CPLANE1: variants seen among roughly 807,000 people sequenced by gnomAD.
CPLANE1 encodes ciliogenesis and planar polarity effector complex subunit 1.
A neutral mutation model predicts 362.5 loss-of-function variants in CPLANE1; 263 were observed. That is an observed-to-expected ratio of 0.73 (90% confidence interval 0.66 to 0.80). CPLANE1 has a LOEUF of 0.80. Among genes scored for constraint, CPLANE1 ranks in the 30% least tolerant of loss-of-function variants. The pLI is 0.00. For missense variants in CPLANE1, 3,461 were observed against 3,793.4 expected (o/e 0.91, Z 2.30); for synonymous variants, 1,212 against 1,302.6 (o/e 0.93, Z 1.50).
rs780391877 is a variant in CPLANE1 at position 37,186,307 on chromosome 5, G to C, written c.4168C>G (p.Leu1390Val). 1.3e-5 allele frequency: 20 copies of C among 1,552,100 alleles called. No homozygotes were observed. Among genetic ancestry groups the C allele is most frequent in the Non-Finnish European group, 1.7e-5 (19 of 1,124,208 alleles). The change falls in exon 24 of 53, where the codon CTC (leucine) becomes GTC (valine). Residue 1390 changes from leucine to valine, a missense_variant. Leu to Val is a conservative substitution (Grantham distance 32, BLOSUM62 1). Transcript: ENST00000651892. ...ATACCTTTCACAACACAGTGTCTGA[G>C]TCTCTGGTGAAGAGAGTGATATTTG... ...RDKYHSLHQR[L>V]RHCVVKGPQT...
Position 37,221,333 on chromosome 5 carries a change from C to A in CPLANE1, c.2737G>T (p.Asp913Tyr). Residue 913 changes from aspartate (D) to tyrosine (Y), a missense_variant, in exon 15 of 53, where the codon GAT becomes TAT. Around this residue, in one of 2 missense-constraint regions of CPLANE1, gnomAD observed 3,380 missense variants for 3,666.1 expected, o/e 0.92. Coordinates refer to ENST00000651892, the MANE Select transcript of CPLANE1 (RefSeq NM_001384732.1). The part of the protein sequence containing the change: ...WSQLPVKENK[D>Y]FSGAAKSHFE... Reference sequence around the variant, plus strand: ...AAAAAAAAAAGCATACCTGAAAAATCTTTATTTTCTTTTACAGGTAGTTGG... The same window carrying A: ...AAAAAAAAAAGCATACCTGAAAAATATTTATTTTCTTTTACAGGTAGTTGG... 3 of 1,489,956 alleles carry A rather than the reference C, an allele frequency of 2.0e-6. No homozygotes were observed. The highest frequency in any genetic ancestry group is 1.4e-5 in the African/African-American group (1 of 69,050). 92.3% of individuals were successfully genotyped at this position (1,489,956 alleles called of 1,614,324 possible).
At chr5:37,216,222 T>A (rs761824468) in intron 15 of CPLANE1, among the ~76,000 whole-genome samples, 1 of 152,016 alleles carries the variant, frequency 6.6e-6, no homozygotes, top group Non-Finnish European at 1.5e-5. Context: ...TAGTATAAGA[T>A]TTTGGGGGGC....
At chr5:37,205,181 A>G (rs992051171) in intron 18 of CPLANE1, 134 bp downstream of exon 18, 1 of 596,592 alleles carries the variant, frequency 1.7e-6, no homozygotes, top group Non-Finnish European at 2.5e-6. Flanking sequence ...TAAAATAAAA[A>G]TAAATATCAT....
chr5:37,182,822 A>G lies in CPLANE1; in HGVS notation c.5359T>C (p.Ser1787Pro), dbSNP rs753598424. The part of the protein sequence containing the change: ...VKTSTAAILT[S>P]LWLLEQPYFA... Reference sequence around the variant, plus strand: ...TAGGGTTGTTCCAAAAGCCATAATGATGTAAGAATGGCAGCTGTAGAGGTC... The same window carrying G: ...TAGGGTTGTTCCAAAAGCCATAATGGTGTAAGAATGGCAGCTGTAGAGGTC... Residue 1787 changes from serine (S) to proline (P), a missense_variant, in exon 26 of 53, where the codon TCA (serine) becomes CCA (proline). Coordinates refer to ENST00000651892, the MANE Select transcript of CPLANE1 (RefSeq NM_001384732.1). 1.9e-6 allele frequency: 3 copies of G among 1,613,722 alleles called. No homozygotes were observed. Among genetic ancestry groups the G allele is most frequent in the Non-Finnish European group, 2.5e-6 (3 of 1,179,886 alleles).
chr5:37,075,785 A>G, the CPLANE1 span, among the ~76,000 whole-genome samples: 4 of 152,288 alleles, frequency 2.6e-5, no homozygotes, highest in East Asian at 7.7e-4. Context: ...AGACCTTGCA[A>G]TGCATCTGCT....
At chr5:37,210,148 T>A in intron 16 of CPLANE1, 2 of 1,059,864 alleles carry the variant, frequency 1.9e-6, no homozygotes, top group Non-Finnish European at 2.9e-6. Flanking sequence ...GCCCTTGTTA[T>A]TCGGGAAAAG....
At chr5:37,085,191 A>G in the CPLANE1 span, 30 of 830,898 alleles carry the variant, frequency 3.6e-5, no homozygotes, top group Non-Finnish European at 5.7e-5. Flanking sequence ...CCCCCTCATC[A>G]TTTTCCTAAG....
At chr5:37,083,570 T>C in the CPLANE1 span, among the ~76,000 whole-genome samples, 1 of 152,034 alleles carries the variant, frequency 6.6e-6, no homozygotes, top group Admixed American at 6.6e-5. Context: ...ATGACATAGA[T>C]AGCATAAATA....
rs200358545 is a variant in CPLANE1 at position 37,121,771 on chromosome 5, C to G, written c.9031G>C (p.Glu3011Gln). 6.2e-7 allele frequency: 1 copy of G among 1,613,382 alleles called. No individual in the cohort carries two copies. Among genetic ancestry groups the G allele is most frequent in the Admixed American group, 1.7e-5 (1 of 59,996 alleles). ...TGTGAGATTCGACGACTATAGTGTT[C>G]AGAGAGCAGCAATCTGTAGACAAAG... ...KHEKDRLLLS[E>Q]HYSRRISQAY... Residue 3011 changes from glutamate to glutamine, a missense_variant, in exon 49 of 53, where the codon GAA becomes CAA. Coordinates refer to ENST00000651892, the MANE Select transcript of CPLANE1 (RefSeq NM_001384732.1).
chr5:37,207,730 G>C (rs1194023302), intron 16 of CPLANE1, among the ~76,000 whole-genome samples: 1 of 152,044 alleles, frequency 6.6e-6, no homozygotes, highest in Non-Finnish European at 1.5e-5. Flanking sequence ...ATTTTAACTT[G>C]TACTACTCTA....
downstream of CPLANE1, among the ~76,000 whole-genome samples, chr5:37,105,846 C>T (rs1757551868): frequency 6.6e-6 from 1 of 152,104 alleles, no homozygotes; most frequent in African/African-American, 2.4e-5. Flanking sequence ...ACAAAATGGA[C>T]AAAATATCTG....
Position 37,224,596 on chromosome 5 carries a change from C to G in CPLANE1, c.2436G>C (p.Leu812Phe). 1.9e-6 allele frequency: 3 copies of G among 1,551,408 alleles called. No individual in the cohort carries two copies. The highest frequency in any genetic ancestry group is 2.6e-6 in the Non-Finnish European group (3 of 1,146,794). Residue 812 changes from leucine (L) to phenylalanine (F), a missense_variant, in exon 13 of 53, where the codon TTG becomes TTC. Physicochemically the swap from Leu to Phe is conservative, Grantham distance 22 (BLOSUM62 0). Around this residue, in one of 2 missense-constraint regions of CPLANE1, gnomAD observed 3,380 missense variants for 3,666.1 expected, o/e 0.92. Coordinates refer to ENST00000651892, the MANE Select transcript of CPLANE1 (RefSeq NM_001384732.1). ...ASTVKSLLCH[L>F]QANLQSTGDC... ...CTCCAGTACTCTGTAGGTTAGCCTG[C>G]AAATGACATAACAGGGACTTGACAG...
chr5:37,138,513 T>C (rs1768543629), intron 46 of CPLANE1: 1 of 694,174 alleles, frequency 1.4e-6, no homozygotes, highest in African/African-American at 1.7e-5. Flanking sequence ...GAGTGATTCT[T>C]GGGAAAACCC....
intron 14 of CPLANE1, 21 bp downstream of exon 14, chr5:37,224,232 T>G: frequency 2.0e-6 from 3 of 1,507,266 alleles, no homozygotes; most frequent in Non-Finnish European, 2.7e-6. Context: ...TTATGGCACA[T>G]ATTTTTTAAC....
intron 21 of CPLANE1, among the ~76,000 whole-genome samples, chr5:37,194,729 G>A (rs1449014515): frequency 6.6e-6 from 1 of 150,952 alleles, no homozygotes; most frequent in East Asian, 1.9e-4. Flanking sequence ...CTATTCACAG[G>A]TACAATCATT....
intron 27 of CPLANE1, 40 bp from the exon 28 acceptor site, chr5:37,180,223 G>A: frequency 7.5e-7 from 1 of 1,328,766 alleles, no homozygotes; most frequent in African/African-American, 1.5e-5. Flanking sequence ...ACTATTCTTG[G>A]AGATAAAGAG....
At chr5:37,175,867 A>T in intron 31 of CPLANE1, 42 bp downstream of exon 31, 1 of 1,363,480 alleles carries the variant, frequency 7.3e-7, no homozygotes, top group Non-Finnish European at 1.0e-6. Flanking sequence ...GATTTGTAAA[A>T]CACAACTATT....
intron 38 of CPLANE1, 28 bp downstream of exon 38, chr5:37,162,437 T>A (rs1248690243): frequency 9.9e-6 from 14 of 1,415,714 alleles, no homozygotes; most frequent in Non-Finnish European, 1.4e-5. Flanking sequence ...AATATATGAA[T>A]TTTTTTAAAA....
chr5:37,203,444 G>A (rs773125652), intron 18 of CPLANE1, among the ~76,000 whole-genome samples: 3 of 152,110 alleles, frequency 2.0e-5, no homozygotes, highest in Non-Finnish European at 2.9e-5. Flanking sequence ...CCAGTTGACG[G>A]ACATTTGAGG....
Sources: gnomAD v4.1 joint callset for allele counts (sites outside exome capture counted in the v4.1 genomes callset) on GRCh38, gnomAD v4.1.1 for gene constraint, gnomAD v4.1.1 regional missense constraint, MANE v1.5 for transcripts, NCBI Gene and HGNC (gene_info 2026-07-23, HGNC 2026-07-21) for gene names.